Variants in KIF6 observed in about 807,000 individuals in gnomAD.
KIF6 encodes kinesin family member 6.
Under a neutral mutation model 112.7 loss-of-function variants are expected in KIF6, and 106 were observed. That is an observed-to-expected ratio of 0.94 (90% confidence interval 0.80 to 1.11). The LOEUF is 1.11. KIF6 is among the 50% of genes least tolerant of loss of function. KIF6 has a pLI of 0.00. For synonymous variants in KIF6, 339 were observed against 339.9 expected (o/e 1.00, Z 0.03); for missense variants, 929 against 964.0 (o/e 0.96, Z 0.48).
chr6:39,354,415 A>T (rs1764486422), intron 19 of KIF6, among the ~76,000 whole-genome samples: 1 of 152,240 alleles, frequency 6.6e-6, no homozygotes, highest in South Asian at 2.1e-4. Context: ...ACATCTATCC[A>T]TTTGGAAAAA....
chr6:39,584,895 T>C lies in KIF6; in HGVS notation c.1077+3A>G. 1 of 1,576,484 alleles carries C rather than the reference T, an allele frequency of 6.3e-7. No homozygotes were observed. Among genetic ancestry groups the C allele is most frequent in the Non-Finnish European group, 8.7e-7 (1 of 1,148,968 alleles). On this transcript the variant is annotated splice_donor_region_variant and intron_variant, in intron 9 of 22. Coordinates refer to ENST00000287152, the MANE Select transcript of KIF6 (RefSeq NM_145027.6). ...TTTTAAAATATCGTTAAAAGTTGCT[T>C]ACTAATCTGGGGTTAATTTCTTCAT...
intron 13 of KIF6, among the ~76,000 whole-genome samples, chr6:39,435,217 C>A (rs749050759): frequency 2.0e-5 from 3 of 152,084 alleles, no homozygotes; most frequent in African/African-American, 7.2e-5. Context: ...AGATCGTACT[C>A]TTATTAGTGC....
intron 9 of KIF6, chr6:39,583,332 C>T (rs377338634): frequency 6.5e-4 from 301 of 465,464 alleles, no homozygotes; most frequent in Admixed American, 1.2e-3. Flanking sequence ...TTCAGTTCCA[C>T]CTGAATCTTG....
intron 13 of KIF6, among the ~76,000 whole-genome samples, chr6:39,438,414 T>C (rs915965896): frequency 6.6e-6 from 1 of 152,304 alleles, no homozygotes; most frequent in Middle Eastern, 3.4e-3. Context: ...CCATGTGTGT[T>C]ACTGCCCCTG....
intron 13 of KIF6, among the ~76,000 whole-genome samples, chr6:39,470,976 A>G (rs1315588470): frequency 6.6e-6 from 1 of 152,130 alleles, no homozygotes; most frequent in African/African-American, 2.4e-5. Context: ...AAAACTTAAC[A>G]TTGAGCTGTG....
intron 13 of KIF6, among the ~76,000 whole-genome samples, chr6:39,438,703 T>G (rs553628419): frequency 6.6e-6 from 1 of 152,324 alleles, no homozygotes; most frequent in East Asian, 1.9e-4. Context: ...AATTTATTAT[T>G]GAAATATTAG....
intron 12 of KIF6, among the ~76,000 whole-genome samples, chr6:39,540,502 A>C (rs1778727863): frequency 6.6e-6 from 1 of 152,226 alleles, no homozygotes; most frequent in Non-Finnish European, 1.5e-5. Flanking sequence ...AGTGCTTATA[A>C]AAAGTCAAAT....
At chr6:39,365,595 G>A (rs552100937) in intron 16 of KIF6, among the ~76,000 whole-genome samples, 12 of 152,316 alleles carry the variant, frequency 7.9e-5, no homozygotes, top group Non-Finnish European at 1.5e-4. Context: ...ATATGAAACC[G>A]ACAATGGTAG....
intron 5 of KIF6, among the ~76,000 whole-genome samples, chr6:39,628,944 T>A (rs1054044214): frequency 6.6e-6 from 1 of 152,160 alleles, no homozygotes; most frequent in Non-Finnish European, 1.5e-5. Context: ...TAGACTTTCA[T>A]GCTAACTTTT....
rs60925603 is a variant in KIF6, at chr6:39,515,089, A to T, written c.1645+24914T>A. Among the ~76,000 whole-genome samples, 401 of 152,356 alleles carry T rather than the reference A, an allele frequency of 2.6e-3. 1 individual carries two copies. Among genetic ancestry groups the T allele is most frequent in the African/African-American group, 8.9e-3 (371 of 41,580 alleles). On this transcript the variant is annotated intron_variant, in intron 13 of 22. Transcript: ENST00000287152. ...GAAAAACCTTTTATATATAATGCACATTAAATTCATGTGGATCAGAATGAG... is the reference window on the plus strand; with the variant it reads ...GAAAAACCTTTTATATATAATGCACTTTAAATTCATGTGGATCAGAATGAG...
At chr6:39,534,411 G>A (rs201468524) in intron 13 of KIF6, among the ~76,000 whole-genome samples, 1 of 152,194 alleles carries the variant, frequency 6.6e-6, no homozygotes, top group African/African-American at 2.4e-5. Context: ...ACTACATGAA[G>A]AATGCAGAAG....
intron 22 of KIF6, among the ~76,000 whole-genome samples, chr6:39,337,179 C>CTTTCTT (rs1763026013): frequency 1.4e-5 from 1 of 70,492 alleles, no homozygotes; most frequent in East Asian, 3.6e-4. Flanking sequence ...TTCCTTCTTT[C>CTTTCTT]TTTCTTTCTT....
At chr6:39,371,287 C>T (rs1434360066) in intron 16 of KIF6, among the ~76,000 whole-genome samples, 7 of 152,012 alleles carry the variant, frequency 4.6e-5, no homozygotes, top group African/African-American at 9.7e-5. Flanking sequence ...AACCTGGAGG[C>T]GGGCAACCTG....
At chr6:39,625,671 CAT>C (rs770101086) in intron 5 of KIF6, among the ~76,000 whole-genome samples, 3 of 152,124 alleles carry the variant, frequency 2.0e-5, no homozygotes, top group Non-Finnish European at 2.9e-5. Context: ...ACAAATGAAA[CAT>C]GTAATGCAAA....
intron 16 of KIF6, among the ~76,000 whole-genome samples, chr6:39,369,608 A>T (rs913472): frequency 0.68 from 103,026 of 151,996 alleles, 35,077 homozygotes; most frequent in African/African-American, 0.69. Context: ...GTTGTCCCCC[A>T]GGGATGGCGG....
At chr6:39,595,439 C>T (rs190980881) in intron 7 of KIF6, among the ~76,000 whole-genome samples, 3 of 152,242 alleles carry the variant, frequency 2.0e-5, no homozygotes, top group Non-Finnish European at 4.4e-5. Flanking sequence ...GTAACTAACA[C>T]CTACAATGTA....
rs561445706 is a variant in KIF6 at position 39,700,589 on chromosome 6, A to G, written c.251+14103T>C. Among the ~76,000 whole-genome samples the G allele has an allele frequency of 1.1e-4, 16 of 152,366 alleles. No homozygotes were observed. In the South Asian group the frequency reaches 2.1e-3, roughly 20 times the overall value. On this transcript the variant is annotated intron_variant, in intron 3 of 22. Coordinates refer to ENST00000287152, the MANE Select transcript of KIF6 (RefSeq NM_145027.6). ...AAGCTTCATGGTAAGTTCATAATTC[A>G]AAACACCTGCTTATGCATTCCCTCA...
chr6:39,500,955 A>G (rs900714153), intron 13 of KIF6, among the ~76,000 whole-genome samples: 1 of 152,176 alleles, frequency 6.6e-6, no homozygotes, highest in African/African-American at 2.4e-5. Flanking sequence ...AAGATGGCCA[A>G]TTAGAAGCAG....
intron 3 of KIF6, among the ~76,000 whole-genome samples, chr6:39,662,616 CT>C (rs1396955940): frequency 6.6e-6 from 1 of 152,090 alleles, no homozygotes; most frequent in African/African-American, 2.4e-5. Flanking sequence ...GTAAGAAGTC[CT>C]TTTAAAGATT....
Sources: gnomAD v4.1 joint callset for allele counts (sites outside exome capture counted in the v4.1 genomes callset) on GRCh38, gnomAD v4.1.1 for gene constraint, MANE v1.5 for transcripts, NCBI Gene and HGNC (gene_info 2026-07-23, HGNC 2026-07-21) for gene names.